Variants in ADCY2 observed in about 807,000 individuals in gnomAD.
ADCY2 encodes adenylate cyclase 2, also known as adenylate cyclase type 2.
In ADCY2, 31 loss-of-function variants were observed where a neutral mutation model predicts 125.2. The observed-to-expected ratio is 0.25, with a 90% CI of 0.19 to 0.33. ADCY2 has a LOEUF of 0.33. ADCY2 is among the 10% of genes least tolerant of loss of function. The probability of loss-of-function intolerance (pLI) is 1.00; values close to 1 mark genes in which losing one functional copy is unlikely to be tolerated. For synonymous variants in ADCY2, 512 were observed against 548.4 expected (o/e 0.93, Z 0.93); for missense variants, 904 against 1,418.2 (o/e 0.64, Z 5.82).
At chr5:7,806,600 G>A (rs1744769206) in intron 22 of ADCY2, among the ~76,000 whole-genome samples, 1 of 151,436 alleles carries the variant, frequency 6.6e-6, no homozygotes, top group Admixed American at 6.6e-5. Flanking sequence ...CTCCCATGGA[G>A]GGGAGAGAGA....
At chr5:7,666,142 T>C (rs1207792297) in intron 4 of ADCY2, among the ~76,000 whole-genome samples, 2 of 151,002 alleles carry the variant, frequency 1.3e-5, no homozygotes, top group Non-Finnish European at 3.0e-5. Flanking sequence ...CCAGCCCTTA[T>C]TTAATTCTTA....
At position 7,538,923 on chromosome 5, in the gene ADCY2, G is replaced by A. The variant is rs55826025; in HGVS notation, c.570+18024G>A. On this transcript the variant is annotated intron_variant, in intron 3 of 24. Transcript: ENST00000338316. ...CTGTCACCCAGACTGGAGTGCAGTG[G>A]CACGATCTCAGCTCACTGCAACCTC... is the stretch of plus-strand genomic sequence containing the variant. Among the ~76,000 whole-genome samples, 533 of 145,720 alleles carry A rather than the reference G, an allele frequency of 3.7e-3. 5 individuals carry two copies. Among genetic ancestry groups the A allele is most frequent in the Non-Finnish European group, 5.3e-3 (357 of 67,114 alleles).
At chr5:7,481,152 C>CCGA (rs1237785116) in intron 2 of ADCY2, among the ~76,000 whole-genome samples, 13 of 152,294 alleles carry the variant, frequency 8.5e-5, no homozygotes, top group Admixed American at 7.8e-4. Context: ...TCTGTTATTT[C>CCGA]CTCTCTTAAG....
At chr5:7,779,504 A>G (rs1294441343) in intron 18 of ADCY2, among the ~76,000 whole-genome samples, 2 of 152,140 alleles carry the variant, frequency 1.3e-5, no homozygotes, top group African/African-American at 4.8e-5. Context: ...TCTTCACAAA[A>G]GGAAACCACA....
intron 16 of ADCY2, among the ~76,000 whole-genome samples, chr5:7,758,382 TAGG>T (rs1190683091): frequency 6.6e-6 from 1 of 152,190 alleles, no homozygotes; most frequent in East Asian, 1.9e-4. Flanking sequence ...GCAGCAGCTG[TAGG>T]AGATCTGATG....
At chr5:7,524,822 A>G (rs1253422852) in intron 3 of ADCY2, among the ~76,000 whole-genome samples, 4 of 152,060 alleles carry the variant, frequency 2.6e-5, no homozygotes, top group Non-Finnish European at 4.4e-5. Flanking sequence ...TGTCCATCCA[A>G]CTCTTTCACA....
chr5:7,522,806 G>C (rs1579533396), intron 3 of ADCY2, among the ~76,000 whole-genome samples: 1 of 147,588 alleles, frequency 6.8e-6, no homozygotes, highest in Admixed American at 6.8e-5. Flanking sequence ...GGCGCCTGTA[G>C]TCCCAGCTAC....
chr5:7,640,432 A>C (rs933687072), intron 4 of ADCY2, among the ~76,000 whole-genome samples: 1 of 152,174 alleles, frequency 6.6e-6, no homozygotes, highest in African/African-American at 2.4e-5. Context: ...AAACAGAGGA[A>C]AATTTTTCCA....
chr5:7,602,704 A>T (rs1473413298), intron 3 of ADCY2, among the ~76,000 whole-genome samples: 1 of 152,148 alleles, frequency 6.6e-6, no homozygotes, highest in Non-Finnish European at 1.5e-5. Flanking sequence ...TGCCACATAC[A>T]TAGCTTTTGT....
At chr5:7,437,965 C>T (rs1213372439) in intron 2 of ADCY2, among the ~76,000 whole-genome samples, 1 of 152,178 alleles carries the variant, frequency 6.6e-6, no homozygotes, top group African/African-American at 2.4e-5. Flanking sequence ...GGTCTGGCCA[C>T]CATTTCTTAG....
chr5:7,475,384 A>ATT (rs879874681), intron 2 of ADCY2, among the ~76,000 whole-genome samples: 6 of 141,564 alleles, frequency 4.2e-5, no homozygotes, highest in South Asian at 4.5e-4. Context: ...GAAACTTGAG[A>ATT]TTTTTTTTTT....
Position 7,396,625 on chromosome 5 carries a change from C to G in ADCY2, c.210+119C>G. ...CGGCCCGCGGCAGCCCCTCGGCCCG[C>G]GGCAGCCCCTCGGCCCGCGGCTCCC... On this transcript the variant is annotated intron_variant, in intron 1 of 24. Transcript: ENST00000338316. The surrounding 1 kb of genome is among the most constrained non-coding windows in gnomAD (Gnocchi z 5.7). 1 of 673,526 alleles carries G rather than the reference C, an allele frequency of 1.5e-6. No homozygotes were observed. Among genetic ancestry groups the G allele is most frequent in the Non-Finnish European group, 2.1e-6 (1 of 486,246 alleles). 41.7% of individuals were successfully genotyped at this position (673,526 alleles called of 1,614,324 possible).
At chr5:7,471,849 C>G (rs905592034) in intron 2 of ADCY2, among the ~76,000 whole-genome samples, 1 of 151,968 alleles carries the variant, frequency 6.6e-6, no homozygotes, top group African/African-American at 2.4e-5. Flanking sequence ...TTTAAAGATG[C>G]TACTCCATTG....
chr5:7,647,797 A>C (rs1049384554), intron 4 of ADCY2, among the ~76,000 whole-genome samples: 10 of 152,224 alleles, frequency 6.6e-5, no homozygotes, highest in Admixed American at 5.9e-4. Flanking sequence ...ACAAAGACTC[A>C]TCAATCCTAT....
intron 23 of ADCY2, among the ~76,000 whole-genome samples, chr5:7,817,614 T>A (rs1745157675): frequency 6.6e-6 from 1 of 152,084 alleles, no homozygotes; most frequent in Non-Finnish European, 1.5e-5. Flanking sequence ...ATCACTTGAT[T>A]CCAGGAGTTT....
intron 3 of ADCY2, among the ~76,000 whole-genome samples, chr5:7,568,562 G>T (rs1735978474): frequency 6.6e-6 from 1 of 152,140 alleles, no homozygotes; most frequent in Admixed American, 6.6e-5. Context: ...AGTCCAAGAT[G>T]GGAGGTGTTG....
At chr5:7,807,518 G>C (rs2126527580) in intron 22 of ADCY2, among the ~76,000 whole-genome samples, 1 of 152,260 alleles carries the variant, frequency 6.6e-6, no homozygotes, top group Non-Finnish European at 1.5e-5. Flanking sequence ...CTTGGCTTTT[G>C]AGCCCTTCCA....
chr5:7,729,599 T>C (rs1325303605), intron 14 of ADCY2, among the ~76,000 whole-genome samples: 2 of 149,614 alleles, frequency 1.3e-5, no homozygotes, highest in Non-Finnish European at 3.0e-5. Context: ...AGTTCTTTCA[T>C]TTTTTTTTAT....
At chr5:7,524,435 T>C (rs7721273) in intron 3 of ADCY2, among the ~76,000 whole-genome samples, 33,735 of 151,964 alleles carry the variant, frequency 0.22, 3,933 homozygotes, top group African/African-American at 0.3. Flanking sequence ...CTATGACTGC[T>C]ATCTGATGCC....
Sources: allele counts gnomAD v4.1 joint callset (sites outside exome capture counted in the v4.1 genomes callset), GRCh38; gene constraint gnomAD v4.1.1; non-coding constraint Gnocchi (gnomAD v3.1); transcripts MANE v1.5; gene names NCBI Gene and HGNC (gene_info 2026-07-23, HGNC 2026-07-21).